PKP4: variants seen among roughly 807,000 people sequenced by gnomAD.
PKP4 encodes plakophilin-4.
Under a neutral mutation model 145.1 loss-of-function variants are expected in PKP4, and 90 were observed. That is an observed-to-expected ratio of 0.62 (90% confidence interval 0.52 to 0.74). The LOEUF (loss-of-function observed/expected upper bound fraction) is 0.74, where lower values mean the gene tolerates loss of function less well. PKP4 is among the 30% of genes least tolerant of loss of function. The probability of loss-of-function intolerance (pLI) is 0.00; values close to 1 mark genes in which losing one functional copy is unlikely to be tolerated. For synonymous variants in PKP4, 563 were observed against 577.2 expected, an observed-to-expected ratio of 0.98 and a Z score of 0.35; for missense variants, 1,340 against 1,482.7, an observed-to-expected ratio of 0.90 and a Z score of 1.58.
At chr2:158,564,538 G>A (rs937166674) in intron 2 of PKP4, among the ~76,000 whole-genome samples, 2 of 152,090 alleles carry the variant, frequency 1.3e-5, no homozygotes, top group Non-Finnish European at 2.9e-5. Flanking sequence ...GAGGAATATG[G>A]CTTTTTAATT....
chr2:158,644,815 G>A (rs372227412), intron 11 of PKP4, among the ~76,000 whole-genome samples: 2 of 152,186 alleles, frequency 1.3e-5, no homozygotes, highest in East Asian at 3.8e-4. Flanking sequence ...AGAGAACTCT[G>A]AAATACATAA....
chr2:158,517,046 A>G (rs2041995609), intron 1 of PKP4, among the ~76,000 whole-genome samples: 1 of 152,212 alleles, frequency 6.6e-6, no homozygotes, highest in African/African-American at 2.4e-5. Context: ...TATTGCCTCT[A>G]GTAATTCACA....
intron 1 of PKP4, among the ~76,000 whole-genome samples, chr2:158,529,983 G>T (rs2043370616): frequency 6.6e-6 from 1 of 152,174 alleles, no homozygotes; most frequent in African/African-American, 2.4e-5. Context: ...AACCTCTATA[G>T]GTTGATGTAT....
intron 2 of PKP4, chr2:158,549,284 A>AT (rs1177878308): frequency 6.6e-6 from 1 of 152,538 alleles, no homozygotes; most frequent in African/African-American, 2.4e-5. Flanking sequence ...CCAAAAATAA[A>AT]TTAAGTTTTC....
chr2:158,640,174 A>G (rs1217222374), intron 9 of PKP4, among the ~76,000 whole-genome samples: 1 of 152,240 alleles, frequency 6.6e-6, no homozygotes, highest in Non-Finnish European at 1.5e-5. Flanking sequence ...AAAAATCCTC[A>G]GGCCCACAAT....
At chr2:158,485,081 T>C (rs1304767476) in intron 1 of PKP4, among the ~76,000 whole-genome samples, 1 of 152,238 alleles carries the variant, frequency 6.6e-6, no homozygotes, top group Non-Finnish European at 1.5e-5. Context: ...TGCTCTGTGA[T>C]AGACTGAAAG....
chr2:158,470,138 T>C (rs945446203), intron 1 of PKP4, among the ~76,000 whole-genome samples: 4 of 152,238 alleles, frequency 2.6e-5, no homozygotes, highest in African/African-American at 9.6e-5. Context: ...TAGCCATCAC[T>C]GTAATTCTCT....
At chr2:158,653,081 T>C (rs114920355) in intron 11 of PKP4, among the ~76,000 whole-genome samples, 3,517 of 152,328 alleles carry the variant, frequency 0.023, 261 homozygotes, top group Admixed American at 0.15. Context: ...TGGCAATGTC[T>C]ACAAACACTT....
At chr2:158,459,598 CTG>C (rs1250111152) in intron 1 of PKP4, among the ~76,000 whole-genome samples, 2 of 152,146 alleles carry the variant, frequency 1.3e-5, no homozygotes, top group East Asian at 3.8e-4. Context: ...TCCAGTAACA[CTG>C]TGGAGGATAT....
At chr2:158,618,226 C>T (rs1205586037) in intron 4 of PKP4, among the ~76,000 whole-genome samples, 2 of 152,078 alleles carry the variant, frequency 1.3e-5, no homozygotes, top group African/African-American at 2.4e-5. Flanking sequence ...AAGTTGATTG[C>T]TTTATACTAA....
At chr2:158,508,924 A>G (rs758625199) in intron 1 of PKP4, among the ~76,000 whole-genome samples, 2 of 152,166 alleles carry the variant, frequency 1.3e-5, no homozygotes, top group Non-Finnish European at 2.9e-5. Context: ...TTTATTAATC[A>G]TTATTTATAC....
intron 3 of PKP4, among the ~76,000 whole-genome samples, chr2:158,600,383 C>G (rs1249914600): frequency 6.6e-6 from 1 of 152,062 alleles, no homozygotes; most frequent in Non-Finnish European, 1.5e-5. Context: ...GAAAGGGAAC[C>G]GGGATGGAGT....
intron 3 of PKP4, among the ~76,000 whole-genome samples, chr2:158,601,702 A>T (rs2050244670): frequency 6.6e-6 from 1 of 152,178 alleles, no homozygotes; most frequent in Non-Finnish European, 1.5e-5. Context: ...CCTGCTTGCA[A>T]TTCGTTCAGT....
intron 2 of PKP4, among the ~76,000 whole-genome samples, chr2:158,566,069 G>A (rs921963200): frequency 3.3e-5 from 5 of 151,994 alleles, no homozygotes; most frequent in South Asian, 2.1e-4. Context: ...GAATATCTGC[G>A]GACAATTGTA....
At chr2:158,672,751 A>C (rs1181779947) in intron 17 of PKP4, among the ~76,000 whole-genome samples, 2 of 152,324 alleles carry the variant, frequency 1.3e-5, no homozygotes, top group East Asian at 1.9e-4. Flanking sequence ...CCTCAGAATC[A>C]TTAGCAACCC....
chr2:158,597,049 T>C (rs145465665), intron 3 of PKP4, among the ~76,000 whole-genome samples: 2 of 152,346 alleles, frequency 1.3e-5, no homozygotes, highest in South Asian at 2.1e-4. Flanking sequence ...GTGATAGATA[T>C]GTGAATGTCT....
chr2:158,633,018 G>A (rs1467539180), intron 8 of PKP4, among the ~76,000 whole-genome samples: 1 of 152,168 alleles, frequency 6.6e-6, no homozygotes, highest in Non-Finnish European at 1.5e-5. Context: ...CTTTGTAATA[G>A]CATCATACAG....
At chr2:158,471,471 A>G (rs1691563947) in intron 1 of PKP4, among the ~76,000 whole-genome samples, 2 of 152,230 alleles carry the variant, frequency 1.3e-5, no homozygotes, top group Admixed American at 1.3e-4. Context: ...TCACACTGAA[A>G]TGTCTAACAT....
In PKP4 at chr2:158,662,345, C is replaced by T. The variant is rs553509301; in HGVS notation, c.2212-552C>T. ...GAACTTGGTTTTAGACACTCAAACA[C>T]TCAGTTAAATGACAGTTGGCCTCCC... On this transcript the variant is annotated intron_variant, in intron 13 of 21. Coordinates refer to ENST00000389759, the MANE Select transcript of PKP4 (RefSeq NM_003628.6). 4 of 152,426 alleles carry T rather than the reference C, an allele frequency of 2.6e-5. No homozygotes were observed. In the East Asian group the frequency reaches 7.7e-4, roughly 29 times the overall value. The allele number at this position is 152,426 out of a possible 1,614,324, so 9.4% of individuals were successfully genotyped here.
Sources: allele counts gnomAD v4.1 joint callset (sites outside exome capture counted in the v4.1 genomes callset), GRCh38; gene constraint gnomAD v4.1.1; transcripts MANE v1.5; gene names NCBI Gene and HGNC (gene_info 2026-07-23, HGNC 2026-07-21).